Variants in WDR72 observed in about 807,000 individuals in gnomAD.
WDR72 encodes WD repeat-containing protein 72.
A neutral mutation model predicts 124.2 loss-of-function variants in WDR72; 120 were observed. The ratio of observed to expected loss-of-function variants is 0.97; its 90% CI spans 0.83 to 1.12. WDR72 has a LOEUF of 1.12. WDR72 is among the 50% of genes most tolerant of loss of function. The pLI, the probability that WDR72 is intolerant of heterozygous loss-of-function variation, is 0.00. For synonymous variants in WDR72, 452 were observed against 441.7 expected (o/e 1.02, Z -0.29); for missense variants, 1,387 against 1,278.8 (o/e 1.08, Z -1.29).
chr15:53,619,468 C>T (rs1175693436), intron 14 of WDR72, among the ~76,000 whole-genome samples: 1 of 151,988 alleles, frequency 6.6e-6, no homozygotes, highest in Admixed American at 6.6e-5. Context: ...AATTCTGACT[C>T]AAGATTATGG....
intron 14 of WDR72, among the ~76,000 whole-genome samples, chr15:53,639,955 T>C (rs1285481315): frequency 1.3e-5 from 2 of 152,188 alleles, no homozygotes; most frequent in East Asian, 3.9e-4. Flanking sequence ...AATTGAATCA[T>C]ATAATCATGG....
chr15:53,758,679 G>A (rs925839283), intron 1 of WDR72, among the ~76,000 whole-genome samples: 4 of 149,138 alleles, frequency 2.7e-5, no homozygotes, highest in Non-Finnish European at 4.4e-5. Flanking sequence ...CAATGGGAAG[G>A]GGTGGAGGAA....
Position 53,751,155 on chromosome 15 carries a change from C to A in WDR72, c.-13+8478G>T, listed in dbSNP as rs538858551. 2.0e-5 allele frequency among the ~76,000 whole-genome samples: 3 copies of A among 152,030 alleles called. No individual in the cohort carries two copies. In the South Asian group the frequency reaches 6.2e-4, roughly 32 times the overall value. On this transcript the variant is annotated intron_variant, in intron 1 of 19. Coordinates refer to ENST00000360509, the MANE Select transcript of WDR72 (RefSeq NM_182758.4). The stretch of plus-strand genomic sequence containing the variant: ...AGCACAGTGACATATGCCTGTAATC[C>A]CAGCTACTTGAGAGGCTAAGAGGTG...
At chr15:53,664,366 T>C (rs2015707775) in intron 14 of WDR72, among the ~76,000 whole-genome samples, 1 of 152,182 alleles carries the variant, frequency 6.6e-6, no homozygotes, top group Non-Finnish European at 1.5e-5. Context: ...TCTCACAAGG[T>C]TGACAAATCC....
upstream of WDR72, among the ~76,000 whole-genome samples, chr15:53,761,926 A>G (rs879274385): frequency 6.6e-6 from 1 of 152,174 alleles, no homozygotes; most frequent in Non-Finnish European, 1.5e-5. Flanking sequence ...AAAATTCAAC[A>G]TTGAAACCAG....
chr15:53,678,108 G>C (rs2016242726), intron 13 of WDR72, among the ~76,000 whole-genome samples: 1 of 152,100 alleles, frequency 6.6e-6, no homozygotes, highest in African/African-American at 2.4e-5. Flanking sequence ...TGTTTGGTTG[G>C]CAATACAGAG....
At position 53,517,373 on chromosome 15, in the gene WDR72, AT is replaced by A. The variant is rs1891521842; in HGVS notation, c.*325del. ...TCAGGGACTAAAAGGATAGGAGAAA[AT>A]TTAAAGCAGTATTAAATTTGTGTCT... On this transcript the variant is annotated 3_prime_UTR_variant, in exon 20 of 20. Coordinates refer to ENST00000360509, the MANE Select transcript of WDR72 (RefSeq NM_182758.4). 1 of 322,104 alleles carries A rather than the reference AT, an allele frequency of 3.1e-6. No individual in the cohort carries two copies. The highest frequency in any genetic ancestry group is 5.9e-6 in the Non-Finnish European group (1 of 168,700). 20.0% of individuals were successfully genotyped at this position (322,104 alleles called of 1,614,324 possible).
At chr15:53,624,394 G>C (rs992712315) in intron 14 of WDR72, among the ~76,000 whole-genome samples, 2 of 152,262 alleles carry the variant, frequency 1.3e-5, no homozygotes, top group African/African-American at 4.8e-5. Context: ...GCTGAAGGCA[G>C]AGTTCTGCCC....
At chr15:53,539,807 A>T (rs1892974331) in intron 18 of WDR72, among the ~76,000 whole-genome samples, 1 of 152,180 alleles carries the variant, frequency 6.6e-6, no homozygotes, top group Non-Finnish European at 1.5e-5. Flanking sequence ...CTTTATCAAT[A>T]AATGTTAATG....
At chr15:53,680,173 G>A (rs1209276217) in intron 13 of WDR72, among the ~76,000 whole-genome samples, 2 of 152,248 alleles carry the variant, frequency 1.3e-5, no homozygotes, top group East Asian at 3.9e-4. Flanking sequence ...TAGGTTAATA[G>A]AATGCTCAGT....
At chr15:53,732,402 T>C (rs2018227829) in intron 2 of WDR72, among the ~76,000 whole-genome samples, 1 of 152,184 alleles carries the variant, frequency 6.6e-6, no homozygotes, top group Non-Finnish European at 1.5e-5. Flanking sequence ...TCTGATACGT[T>C]AAATGTTTAT....
intron 13 of WDR72, among the ~76,000 whole-genome samples, chr15:53,685,266 C>T (rs972410737): frequency 1.4e-5 from 2 of 142,924 alleles, no homozygotes; most frequent in Non-Finnish European, 3.0e-5. Flanking sequence ...TTACTCTGAG[C>T]TATGGGAGGA....
intron 18 of WDR72, among the ~76,000 whole-genome samples, chr15:53,533,715 C>A (rs1479066031): frequency 1.3e-5 from 2 of 152,164 alleles, no homozygotes; most frequent in African/African-American, 4.8e-5. Context: ...TCACTGTCCC[C>A]TGGATATGCC....
chr15:53,716,546 G>T, intron 4 of WDR72, 61 bp downstream of exon 4: 2 of 1,108,150 alleles, frequency 1.8e-6, no homozygotes, highest in Non-Finnish European at 2.8e-6. Flanking sequence ...AAGTGTATTT[G>T]CAAATGCCCT....
At chr15:53,655,146 G>A (rs755042362) in intron 14 of WDR72, among the ~76,000 whole-genome samples, 19 of 140,532 alleles carry the variant, frequency 1.4e-4, no homozygotes, top group Admixed American at 8.0e-4. Flanking sequence ...CAGGAGAATC[G>A]CTGGAACCTG....
intron 18 of WDR72, among the ~76,000 whole-genome samples, chr15:53,547,519 A>G (rs144067805): frequency 2.1e-3 from 324 of 152,264 alleles, no homozygotes; most frequent in African/African-American, 7.6e-3. Context: ...TATAGCAGTG[A>G]TCAATAATCT....
At chr15:53,529,179 TTTAAAAGA>T (rs1892311397) in intron 18 of WDR72, among the ~76,000 whole-genome samples, 1 of 139,856 alleles carries the variant, frequency 7.2e-6, no homozygotes, top group African/African-American at 2.8e-5. Flanking sequence ...TTTTTTTTTT[TTTAAAAGA>T]ATATAAAAAA....
intron 18 of WDR72, among the ~76,000 whole-genome samples, chr15:53,524,632 C>T (rs142019847): frequency 1.3e-5 from 2 of 152,204 alleles, no homozygotes; most frequent in African/African-American, 4.8e-5. Context: ...TAACATGATT[C>T]TGGTTTAAAT....
intron 17 of WDR72, among the ~76,000 whole-genome samples, chr15:53,601,824 G>C (rs1035635367): frequency 6.6e-6 from 1 of 152,064 alleles, no homozygotes; most frequent in Non-Finnish European, 1.5e-5. Flanking sequence ...ACCAACACAG[G>C]AGCACACAGG....
Sources: allele counts gnomAD v4.1 joint callset (sites outside exome capture counted in the v4.1 genomes callset), GRCh38; gene constraint gnomAD v4.1.1; transcripts MANE v1.5; gene names NCBI Gene and HGNC (gene_info 2026-07-23, HGNC 2026-07-21).